Variants in HERC3 observed in about 807,000 individuals in gnomAD.
HERC3 encodes the protein HECT and RLD domain containing E3 ubiquitin protein ligase 3.
In HERC3, 58 loss-of-function variants were observed where a neutral mutation model predicts 129.9. That is an observed-to-expected ratio of 0.45 (90% CI 0.36 to 0.56). The LOEUF is 0.56. HERC3 is among the 20% of genes least tolerant of loss of function. The pLI is 0.00. For synonymous variants in HERC3, 430 were observed against 451.0 expected (o/e 0.95, Z 0.59); for missense variants, 835 against 1,244.2 (o/e 0.67, Z 4.95).
At chr4:88,561,116 T>C in the HERC3 span, among the ~76,000 whole-genome samples, 1 of 152,184 alleles carries the variant, frequency 6.6e-6, no homozygotes, top group Non-Finnish European at 1.5e-5. Context: ...TCTATTTCTG[T>C]GAGGAATGCC....
At chr4:88,651,360 A>G (rs927445717) in intron 4 of HERC3, among the ~76,000 whole-genome samples, 2 of 152,146 alleles carry the variant, frequency 1.3e-5, no homozygotes, top group African/African-American at 4.8e-5. Flanking sequence ...ATACCTTTGT[A>G]TTGTGGAAAG....
chr4:88,651,536 T>C (rs1424570877), intron 4 of HERC3, among the ~76,000 whole-genome samples: 1 of 152,186 alleles, frequency 6.6e-6, no homozygotes, highest in African/African-American at 2.4e-5. Flanking sequence ...AGGAGACAAG[T>C]AGGTAAAATA....
chr4:88,572,058 G>A, the HERC3 span, among the ~76,000 whole-genome samples: 20 of 152,230 alleles, frequency 1.3e-4, no homozygotes, highest in South Asian at 3.9e-3. Context: ...ACACAGACAT[G>A]CATGGAAGGA....
chr4:88,642,655 G>T (rs186426395), intron 3 of HERC3, among the ~76,000 whole-genome samples: 1 of 152,310 alleles, frequency 6.6e-6, no homozygotes, highest in Admixed American at 6.5e-5. Flanking sequence ...AGTGAAAGGG[G>T]CTAGCTAGCC....
intron 3 of HERC3, among the ~76,000 whole-genome samples, chr4:88,630,390 G>T (rs1726607579): frequency 1.3e-5 from 2 of 152,100 alleles, no homozygotes; most frequent in South Asian, 4.1e-4. Context: ...TGACTTTATT[G>T]ATTTTGATTT....
At chr4:88,660,290 C>T (rs1458965064) in intron 10 of HERC3, among the ~76,000 whole-genome samples, 1 of 152,078 alleles carries the variant, frequency 6.6e-6, no homozygotes, top group Admixed American at 6.5e-5. Flanking sequence ...CAACCTCCAC[C>T]TCCTGGTTTC....
intron 23 of HERC3, chr4:88,697,858 G>A (rs1734822056): frequency 6.8e-7 from 1 of 1,464,472 alleles, no homozygotes; most frequent in South Asian, 1.4e-5. Context: ...GGTGACGTGC[G>A]GCCGCGGGAA....
chr4:88,656,317 GC>G (rs1729896974), intron 9 of HERC3: 1 of 385,024 alleles, frequency 2.6e-6, no homozygotes, highest in Non-Finnish European at 4.8e-6. Context: ...GTTTTAATTG[GC>G]TCACAGTTCT....
At chr4:88,623,209 C>T (rs1156695156) in intron 3 of HERC3, among the ~76,000 whole-genome samples, 2 of 152,142 alleles carry the variant, frequency 1.3e-5, no homozygotes, top group Admixed American at 6.5e-5. Flanking sequence ...CTAGGATGGA[C>T]TCACATCAGT....
chr4:88,611,645 A>G (rs1233543393), intron 3 of HERC3, among the ~76,000 whole-genome samples: 1 of 152,186 alleles, frequency 6.6e-6, no homozygotes, highest in Non-Finnish European at 1.5e-5. Context: ...TGAAGGAGTT[A>G]ATTCCATGGT....
At chr4:88,649,748 A>T in intron 3 of HERC3, 92 bp from the exon 4 acceptor site, 5 of 1,089,932 alleles carry the variant, frequency 4.6e-6, no homozygotes, top group Non-Finnish European at 6.6e-6. Context: ...TTGTTAAAAA[A>T]TAAAACTGCC....
chr4:88,524,252 G>T, the HERC3 span, among the ~76,000 whole-genome samples: 2,040 of 152,310 alleles, frequency 0.013, 53 homozygotes, highest in African/African-American at 0.047. Flanking sequence ...CTGGAAGGAA[G>T]GGCCTAGGCC....
intron 11 of HERC3, 112 bp downstream of exon 11, chr4:88,662,667 A>C: frequency 8.8e-7 from 1 of 1,139,574 alleles, no homozygotes; most frequent in Non-Finnish European, 1.2e-6. Context: ...ATGGGGTTTT[A>C]CATTATAGGG....
chr4:88,616,695 T>C (rs1030017877), intron 3 of HERC3, among the ~76,000 whole-genome samples: 2 of 152,158 alleles, frequency 1.3e-5, no homozygotes, highest in Non-Finnish European at 2.9e-5. Context: ...TGTTTGTTTG[T>C]TTTAGTGGTA....
At chr4:88,639,155 G>T (rs1341226961) in intron 3 of HERC3, among the ~76,000 whole-genome samples, 1 of 152,252 alleles carries the variant, frequency 6.6e-6, no homozygotes, top group Admixed American at 6.5e-5. Context: ...TCATGAAAAT[G>T]GTCATACTGC....
intron 23 of HERC3, among the ~76,000 whole-genome samples, chr4:88,688,546 T>C (rs570858171): frequency 3.3e-5 from 5 of 152,210 alleles, no homozygotes; most frequent in African/African-American, 7.2e-5. Flanking sequence ...GAGTTATATA[T>C]TGATAATAAT....
the HERC3 span, among the ~76,000 whole-genome samples, chr4:88,554,812 G>T: frequency 6.6e-6 from 1 of 152,188 alleles, no homozygotes. Flanking sequence ...TATTGGCCTA[G>T]TAATAGGTAT....
Position 88,681,244 on chromosome 4 carries a change from T to A in HERC3, c.2426T>A (p.Phe809Tyr). 2 of 1,614,032 alleles carry A rather than the reference T, an allele frequency of 1.2e-6. No individual in the cohort carries two copies. Among genetic ancestry groups the A allele is most frequent in the Non-Finnish European group, 1.7e-6 (2 of 1,179,894 alleles). Residue 809 changes from phenylalanine (F) to tyrosine (Y), a missense_variant, in exon 21 of 26, where the codon TTC becomes TAC. Coordinates refer to ENST00000402738, the MANE Select transcript of HERC3 (RefSeq NM_014606.3). ...IYNSTVVDLH[F>Y]PLALYKKLLN... ...AACTCCACTGTGGTCGATCTCCACT[T>A]CCCATTGGCTCTCTACAAGAAGTTA... is the stretch of plus-strand genomic sequence containing the variant.
At chr4:88,632,644 A>G (rs952842488) in intron 3 of HERC3, among the ~76,000 whole-genome samples, 4 of 152,282 alleles carry the variant, frequency 2.6e-5, no homozygotes, top group Admixed American at 6.5e-5. Flanking sequence ...TGGCCTCAGT[A>G]GCAGAACAGA....
Sources: gnomAD v4.1 joint callset for allele counts (sites outside exome capture counted in the v4.1 genomes callset) on GRCh38, gnomAD v4.1.1 for gene constraint, MANE v1.5 for transcripts, NCBI Gene and HGNC (gene_info 2026-07-23, HGNC 2026-07-21) for gene names.